Variants in NCALD observed in about 807,000 individuals in gnomAD.
NCALD encodes the protein neurocalcin delta.
In NCALD, 10 loss-of-function variants were observed where a neutral mutation model predicts 18.6. The observed-to-expected ratio is 0.54, with a 90% CI of 0.33 to 0.91. The LOEUF is 0.91. Among genes scored for constraint, NCALD ranks in the 40% least tolerant of loss-of-function variants. The pLI is 0.03. For missense variants in NCALD, 184 were observed against 247.6 expected, an observed-to-expected ratio of 0.74 and a Z score of 1.72; for synonymous variants, 88 against 87.4, an observed-to-expected ratio of 1.01 and a Z score of -0.04.
At chr8:101,729,040 AT>A (rs1816698506) in intron 1 of NCALD, among the ~76,000 whole-genome samples, 1 of 152,246 alleles carries the variant, frequency 6.6e-6, no homozygotes, top group Admixed American at 6.5e-5. Flanking sequence ...TGACTTAGAC[AT>A]CAGATATTTT....
intron 2 of NCALD, among the ~76,000 whole-genome samples, chr8:101,953,867 G>T (rs139119009): frequency 1.3e-5 from 2 of 152,368 alleles, no homozygotes; most frequent in East Asian, 1.9e-4. Flanking sequence ...TGGCCTGTGG[G>T]CTTTGGGAGC....
At chr8:101,854,785 A>G (rs561234766) in intron 4 of NCALD, among the ~76,000 whole-genome samples, 1 of 152,198 alleles carries the variant, frequency 6.6e-6, no homozygotes, top group Non-Finnish European at 1.5e-5. Context: ...AAATTTTCAT[A>G]AAGTAACAGA....
Position 101,847,303 on chromosome 8 carries a change from C to T in NCALD, c.-20+39838G>A, listed in dbSNP as rs1814906904. The stretch of plus-strand genomic sequence containing the variant: ...TGTCGTAACAAGGTTCAGAGGGTGG[C>T]ACATCTCACACACGCACATGAACAC... On this transcript the variant is annotated intron_variant, in intron 4 of 6. Coordinates refer to the NCALD transcript ENST00000311028. 9 of 252,626 alleles carry T rather than the reference C, an allele frequency of 3.6e-5. No individual in the cohort carries two copies. The South Asian group carries it at 4.4e-4, about 12-fold the overall frequency. 15.6% of individuals were successfully genotyped at this position (252,626 alleles called of 1,614,324 possible). A position where few individuals can be genotyped will look rare whatever the true frequency, so the allele number is the denominator to read the frequency against.
intron 1 of NCALD, among the ~76,000 whole-genome samples, chr8:101,775,510 A>G (rs1811756199): frequency 1.3e-5 from 2 of 152,210 alleles, no homozygotes; most frequent in African/African-American, 4.8e-5. Context: ...ATTTGGCCTT[A>G]GGAATCTGCC....
chr8:101,927,038 G>C (rs975077651), intron 2 of NCALD, among the ~76,000 whole-genome samples: 1 of 152,118 alleles, frequency 6.6e-6, no homozygotes, highest in Non-Finnish European at 1.5e-5. Flanking sequence ...TTCTCCCGTG[G>C]CTTCCTCCTT....
intron 1 of NCALD, among the ~76,000 whole-genome samples, chr8:101,777,418 T>C (rs1044840076): frequency 1.3e-5 from 2 of 152,196 alleles, no homozygotes; most frequent in African/African-American, 4.8e-5. Flanking sequence ...AAGTTAGGAA[T>C]GGGACTCAGT....
chr8:101,775,151 A>T (rs1370417723), intron 1 of NCALD, among the ~76,000 whole-genome samples: 1 of 152,182 alleles, frequency 6.6e-6, no homozygotes, highest in Non-Finnish European at 1.5e-5. Context: ...GTTGTTAGTG[A>T]TGCTATATGG....
At chr8:101,784,674 G>A (rs972790578) in intron 1 of NCALD, among the ~76,000 whole-genome samples, 5 of 152,108 alleles carry the variant, frequency 3.3e-5, no homozygotes, top group South Asian at 2.1e-4. Context: ...GGTGGCATAC[G>A]CCTATAGTCC....
intron 4 of NCALD, among the ~76,000 whole-genome samples, chr8:101,821,349 T>A (rs1586576926): frequency 6.6e-6 from 1 of 152,342 alleles, no homozygotes; most frequent in South Asian, 2.1e-4. Context: ...CAGAACTTTA[T>A]GTACATTAAC....
At position 101,823,413 on chromosome 8, in the gene NCALD, T is replaced by G. The variant is rs180685263; in HGVS notation, c.-20+63728A>C. ...TCAATGGTCTTCCTTCAAGTCTAAG[T>G]TTCTCTTTATAAGGGCTCCCATTGG... On this transcript the variant is annotated intron_variant, in intron 4 of 6. Coordinates refer to the NCALD transcript ENST00000311028. 1.7e-3 allele frequency among the ~76,000 whole-genome samples: 262 copies of G among 152,314 alleles called. 4 individuals are homozygous for G. Among genetic ancestry groups the G allele is most frequent in the African/African-American group, 5.6e-3 (232 of 41,572 alleles).
intron 1 of NCALD, among the ~76,000 whole-genome samples, chr8:102,083,843 C>T (rs898602138): frequency 6.6e-6 from 1 of 152,226 alleles, no homozygotes; most frequent in African/African-American, 2.4e-5. Context: ...TATATAGTCA[C>T]ATCGCTATTT....
intron 1 of NCALD, among the ~76,000 whole-genome samples, chr8:102,052,043 T>C (rs917281636): frequency 3.3e-5 from 5 of 152,248 alleles, no homozygotes; most frequent in Admixed American, 3.3e-4. Context: ...AAGCTGAATG[T>C]AATGTTCTTT....
intron 2 of NCALD, among the ~76,000 whole-genome samples, chr8:101,988,627 G>A (rs983226567): frequency 2.0e-5 from 3 of 152,124 alleles, no homozygotes; most frequent in African/African-American, 4.8e-5. Context: ...TGCTGTTGTC[G>A]TTATCTGTGG....
chr8:101,801,329 A>G (rs1812842251), intron 4 of NCALD, among the ~76,000 whole-genome samples: 2 of 152,228 alleles, frequency 1.3e-5, no homozygotes. Context: ...ATAGATTTAA[A>G]TTACAAAATT....
Position 101,742,577 on chromosome 8 carries a change from T to C in NCALD, c.-19-22929A>G, listed in dbSNP as rs117755665. On this transcript the variant is annotated intron_variant, in intron 1 of 3. Coordinates refer to ENST00000220931, the MANE Select transcript of NCALD (RefSeq NM_032041.3). ...TAGAATTAACACAACAGTGATCAAA[T>C]CTGAGTTGAATCCATTTTTGTTTCG... 6.8e-3 allele frequency among the ~76,000 whole-genome samples: 1,040 copies of C among 152,318 alleles called. 34 individuals carry two copies. The highest frequency in any genetic ancestry group is 0.05 in the Admixed American group (763 of 15,300).
At chr8:101,837,212 T>C (rs574387297) in intron 4 of NCALD, among the ~76,000 whole-genome samples, 2 of 152,328 alleles carry the variant, frequency 1.3e-5, no homozygotes, top group African/African-American at 4.8e-5. Flanking sequence ...CATTCACAGC[T>C]GGCACTCTCC....
intron 4 of NCALD, among the ~76,000 whole-genome samples, chr8:101,861,218 A>T (rs1374323371): frequency 6.6e-6 from 1 of 152,048 alleles, no homozygotes; most frequent in African/African-American, 2.4e-5. Context: ...CACTAGCAAA[A>T]GAAAACTAAT....
Position 101,988,435 on chromosome 8 carries a change from C to G in NCALD, c.-157+31802G>C, listed in dbSNP as rs140531642. On this transcript the variant is annotated intron_variant, in intron 2 of 6. Transcript: ENST00000311028. ...CCTAGTGAATATCCCAGCTCTGTCA[C>G]TTACTGTATGACATCGAGAAACTTA... Among the ~76,000 whole-genome samples, 1,248 of 152,304 alleles carry G rather than the reference C, an allele frequency of 8.2e-3. 7 individuals carry two copies. The highest frequency in any genetic ancestry group is 0.026 in the South Asian group (127 of 4,830).
intron 1 of NCALD, among the ~76,000 whole-genome samples, chr8:102,087,960 T>C (rs531015281): frequency 7.0e-6 from 1 of 143,020 alleles, no homozygotes; most frequent in Non-Finnish European, 1.5e-5. Context: ...AAATACTGTT[T>C]ATCTCCTCTG....
Sources: allele counts gnomAD v4.1 joint callset (sites outside exome capture counted in the v4.1 genomes callset), GRCh38; gene constraint gnomAD v4.1.1; transcripts MANE v1.5; gene names NCBI Gene and HGNC (gene_info 2026-07-23, HGNC 2026-07-21).